The following ZNF804B variants were observed in gnomAD, a reference collection of about 807,000 sequenced individuals.
The protein encoded by ZNF804B is zinc finger 804B.
A neutral mutation model predicts 101.4 loss-of-function variants in ZNF804B; 80 were observed. The ratio of observed to expected loss-of-function variants is 0.79; its 90% CI spans 0.66 to 0.95. The LOEUF is 0.95. Ranked by LOEUF, ZNF804B falls within the 40% of genes least tolerant of loss-of-function variation. The pLI, the probability that ZNF804B is intolerant of heterozygous loss-of-function variation, is 0.00. For synonymous variants in ZNF804B, 622 were observed against 558.8 expected, an observed-to-expected ratio of 1.11 and a Z score of -1.59; for missense variants, 1,673 against 1,561.9, an observed-to-expected ratio of 1.07 and a Z score of -1.20.
chr7:88,827,816 C>T (rs1214483104), intron 1 of ZNF804B, among the ~76,000 whole-genome samples: 1 of 152,108 alleles, frequency 6.6e-6, no homozygotes, highest in East Asian at 1.9e-4. Context: ...TCTTTCTCCA[C>T]TGATTACTGC....
chr7:89,267,506 C>G (rs1189080363), intron 2 of ZNF804B, among the ~76,000 whole-genome samples: 1 of 152,104 alleles, frequency 6.6e-6, no homozygotes, highest in African/African-American at 2.4e-5. Context: ...CTCTACTTCC[C>G]TCTATGTGTT....
At chr7:89,311,670 G>C (rs1021295772) in intron 2 of ZNF804B, among the ~76,000 whole-genome samples, 30 of 152,242 alleles carry the variant, frequency 2.0e-4, no homozygotes, top group East Asian at 9.7e-4. Context: ...ATCATGCTAT[G>C]AACATGGCAA....
chr7:89,050,663 T>A (rs981151725), intron 1 of ZNF804B, among the ~76,000 whole-genome samples: 6 of 152,152 alleles, frequency 3.9e-5, no homozygotes, highest in African/African-American at 1.4e-4. Context: ...TCTACCAGGG[T>A]CTTATTTATT....
chr7:88,854,676 C>A (rs1791528907), intron 1 of ZNF804B, among the ~76,000 whole-genome samples: 2 of 148,904 alleles, frequency 1.3e-5, no homozygotes, highest in Admixed American at 6.8e-5. Context: ...CATGTGTATA[C>A]ATGTGCCATG....
chr7:88,778,964 T>A (rs934384864), intron 1 of ZNF804B, among the ~76,000 whole-genome samples: 1 of 152,192 alleles, frequency 6.6e-6, no homozygotes, highest in Non-Finnish European at 1.5e-5. Flanking sequence ...TTTTCAAAAA[T>A]TGGGGTTTTA....
At chr7:89,315,148 G>A (rs1464006321) in intron 2 of ZNF804B, among the ~76,000 whole-genome samples, 1 of 152,106 alleles carries the variant, frequency 6.6e-6, no homozygotes, top group Non-Finnish European at 1.5e-5. Context: ...CATGGTGAGA[G>A]CGAGAGCAAG....
chr7:88,911,874 T>TTA (rs1221907015), intron 1 of ZNF804B, among the ~76,000 whole-genome samples: 2 of 151,906 alleles, frequency 1.3e-5, no homozygotes, highest in Non-Finnish European at 2.9e-5. Context: ...TGGAATTGCA[T>TTA]TATATATATG....
intron 1 of ZNF804B, among the ~76,000 whole-genome samples, chr7:89,016,335 A>C (rs1300683052): frequency 6.6e-6 from 1 of 151,636 alleles, no homozygotes; most frequent in Non-Finnish European, 1.5e-5. Context: ...GAAGCTCTTT[A>C]GTTTAATTAG....
At chr7:89,284,099 T>C (rs1790140908) in intron 2 of ZNF804B, among the ~76,000 whole-genome samples, 1 of 152,172 alleles carries the variant, frequency 6.6e-6, no homozygotes, top group South Asian at 2.1e-4. Context: ...TTGAGGTAAA[T>C]GTAAACAAAC....
chr7:89,228,707 C>T (rs1789135669), intron 2 of ZNF804B, among the ~76,000 whole-genome samples: 1 of 152,224 alleles, frequency 6.6e-6, no homozygotes, highest in African/African-American at 2.4e-5. Flanking sequence ...TGGCTTCACC[C>T]AGTGGATCCC....
Position 89,105,910 on chromosome 7 carries a change from A to G in ZNF804B, c.109-112245A>G, listed in dbSNP as rs531408342. On this transcript the variant is annotated intron_variant, in intron 1 of 3. Transcript: ENST00000333190. ...AGTGGTTCACAGAACTCAGGGAAACACTTATATTTGCTGTTTCATTACAAA... is the reference window on the plus strand; with the variant it reads ...AGTGGTTCACAGAACTCAGGGAAACGCTTATATTTGCTGTTTCATTACAAA... 2.8e-4 allele frequency among the ~76,000 whole-genome samples: 43 copies of G among 152,212 alleles called. No homozygotes were observed. In the South Asian group the frequency reaches 5.4e-3, roughly 19 times the overall value.
At chr7:88,975,577 T>C (rs1365038302) in intron 1 of ZNF804B, among the ~76,000 whole-genome samples, 8 of 151,598 alleles carry the variant, frequency 5.3e-5, no homozygotes. Flanking sequence ...TGTCTGCTTT[T>C]GAGAAATCTA....
At chr7:88,961,364 G>A (rs898605612) in intron 1 of ZNF804B, among the ~76,000 whole-genome samples, 5 of 151,402 alleles carry the variant, frequency 3.3e-5, no homozygotes, top group African/African-American at 1.2e-4. Context: ...GTTTGCTGGT[G>A]TTCTCCAATT....
chr7:89,047,738 C>G (rs1387410352), intron 1 of ZNF804B, among the ~76,000 whole-genome samples: 2 of 152,124 alleles, frequency 1.3e-5, no homozygotes, highest in African/African-American at 4.8e-5. Flanking sequence ...ACTCAGGGCA[C>G]TCTCTGATGT....
chr7:89,104,840 G>A (rs1419609985), intron 1 of ZNF804B, among the ~76,000 whole-genome samples: 1 of 151,872 alleles, frequency 6.6e-6, no homozygotes, highest in African/African-American at 2.4e-5. Context: ...AATGCTTCTG[G>A]AACTGCTACT....
intron 2 of ZNF804B, among the ~76,000 whole-genome samples, chr7:89,265,654 T>G (rs1239753629): frequency 6.6e-6 from 1 of 152,206 alleles, no homozygotes; most frequent in African/African-American, 2.4e-5. Context: ...TACAGGGTAA[T>G]CTCAAAATAA....
intron 2 of ZNF804B, among the ~76,000 whole-genome samples, chr7:89,279,548 G>T (rs1020948737): frequency 3.3e-5 from 5 of 151,954 alleles, no homozygotes; most frequent in African/African-American, 1.2e-4. Context: ...TTTATTGAGA[G>T]TTTTTAGCAT....
At chr7:88,850,562 A>T (rs2115827364) in intron 1 of ZNF804B, among the ~76,000 whole-genome samples, 1 of 152,194 alleles carries the variant, frequency 6.6e-6, no homozygotes, top group Non-Finnish European at 1.5e-5. Flanking sequence ...TTTACAGGGG[A>T]CAGTTCTCAG....
At chr7:88,819,740 A>G (rs753509902) in intron 1 of ZNF804B, among the ~76,000 whole-genome samples, 89 of 152,340 alleles carry the variant, frequency 5.8e-4, no homozygotes, top group Non-Finnish European at 1.2e-3. Flanking sequence ...GAAAGTCATT[A>G]TAAAAATACA....
Sources: allele counts gnomAD v4.1 joint callset (sites outside exome capture counted in the v4.1 genomes callset), GRCh38; gene constraint gnomAD v4.1.1; transcripts MANE v1.5; gene names NCBI Gene and HGNC (gene_info 2026-07-23, HGNC 2026-07-21).